Variants in WNT7B observed in about 807,000 individuals in gnomAD.
WNT7B encodes the protein Wnt family member 7B, also known as protein Wnt-7b.
Under a neutral mutation model 38.2 loss-of-function variants are expected in WNT7B, and 19 were observed. That is an observed-to-expected ratio of 0.50 (90% confidence interval 0.35 to 0.73). The LOEUF (loss-of-function observed/expected upper bound fraction) is 0.73, where lower values mean the gene tolerates loss of function less well. Among genes scored for constraint, WNT7B ranks in the 30% least tolerant of loss-of-function variants. The probability of loss-of-function intolerance (pLI) is 0.01; values close to 1 mark genes in which losing one functional copy is unlikely to be tolerated. For missense variants in WNT7B, 423 were observed against 507.9 expected, an observed-to-expected ratio of 0.83 and a Z score of 1.61; for synonymous variants, 243 against 209.3, an observed-to-expected ratio of 1.16 and a Z score of -1.39.
At chr22:45,939,671 A>ACACACACACACAC (rs56044141) in intron 2 of WNT7B, among the ~76,000 whole-genome samples, 9 of 151,480 alleles carry the variant, frequency 5.9e-5, no homozygotes, top group African/African-American at 1.2e-4. Flanking sequence ...ACACACACAC[A>ACACACACACACAC]AAAATAGCCA....
At chr22:45,930,684 G>A (rs191274330) in intron 3 of WNT7B, among the ~76,000 whole-genome samples, 1 of 152,174 alleles carries the variant, frequency 6.6e-6, no homozygotes, top group Non-Finnish European at 1.5e-5. Context: ...CTTCCTTGCT[G>A]AGCAAAAAGG....
chr22:45,952,162 C>T (rs1200776500), intron 1 of WNT7B, among the ~76,000 whole-genome samples: 2 of 152,368 alleles, frequency 1.3e-5, no homozygotes, highest in South Asian at 2.1e-4. Context: ...AAGCTGATGC[C>T]CATGGCCCTG....
At chr22:45,934,255 C>A (rs183480871) in intron 2 of WNT7B, among the ~76,000 whole-genome samples, 8 of 152,162 alleles carry the variant, frequency 5.3e-5, no homozygotes, top group Admixed American at 1.3e-4. Context: ...TCCTTCTGCC[C>A]CCAGCTTGGC....
intron 3 of WNT7B, among the ~76,000 whole-genome samples, chr22:45,930,890 C>A (rs1020877682): frequency 6.6e-6 from 1 of 152,304 alleles, no homozygotes; most frequent in Non-Finnish European, 1.5e-5. Flanking sequence ...TTCAGAGCCT[C>A]GGCTCTCACA....
At chr22:45,934,841 G>C (rs1056629735) in intron 2 of WNT7B, among the ~76,000 whole-genome samples, 30 of 152,260 alleles carry the variant, frequency 2.0e-4, no homozygotes, top group Admixed American at 1.8e-3. Flanking sequence ...GGAGACAAGG[G>C]GGAGGTGAGC....
At chr22:45,927,419 C>T (rs1216843662) in intron 3 of WNT7B, 1 of 1,541,846 alleles carries the variant, frequency 6.5e-7, no homozygotes, top group Non-Finnish European at 8.8e-7. Context: ...GGACACCAGC[C>T]TGGGCCACAT....
chr22:45,956,979 G>A (rs1157726803), intron 1 of WNT7B, among the ~76,000 whole-genome samples: 1 of 152,122 alleles, frequency 6.6e-6, no homozygotes, highest in African/African-American at 2.4e-5. Context: ...GGTGGCGTGT[G>A]CCTGTAGTCC....
chr22:45,927,610 A>C (rs530463805), intron 3 of WNT7B: 1 of 902,190 alleles, frequency 1.1e-6, no homozygotes, highest in South Asian at 1.4e-5. Context: ...AAGAGATGGA[A>C]CAGGGCCAGG....
At chr22:45,940,959 T>C (rs1008828045) in intron 2 of WNT7B, among the ~76,000 whole-genome samples, 2 of 152,310 alleles carry the variant, frequency 1.3e-5, no homozygotes, top group Non-Finnish European at 2.9e-5. Context: ...GGACGGCCCT[T>C]GGGGGCTGTA....
At chr22:45,967,158 G>T (rs1046909328) in intron 1 of WNT7B, among the ~76,000 whole-genome samples, 1 of 152,204 alleles carries the variant, frequency 6.6e-6, no homozygotes, top group Non-Finnish European at 1.5e-5. Flanking sequence ...CCAGCCCTGC[G>T]CCAGGGACGG....
chr22:45,931,392 A>G (rs28652942), intron 2 of WNT7B, 23 bp from the exon 3 acceptor site: 73,649 of 1,565,454 alleles, frequency 0.047, 1,775 homozygotes, highest in East Asian at 0.064. Context: ...ACAGGTGCAG[A>G]AGGTGAGACC....
intron 3 of WNT7B, among the ~76,000 whole-genome samples, chr22:45,923,711 C>G (rs1930997456): frequency 1.3e-5 from 2 of 152,166 alleles, no homozygotes; most frequent in South Asian, 4.1e-4. Flanking sequence ...TCACAGGCAG[C>G]AGGTGGGGTA....
chr22:45,941,823 A>C (rs946605564), intron 2 of WNT7B, among the ~76,000 whole-genome samples: 1 of 152,206 alleles, frequency 6.6e-6, no homozygotes, highest in Non-Finnish European at 1.5e-5. Flanking sequence ...TCAGCTTCCC[A>C]TTACCATGGG....
At chr22:45,929,923 C>CCCACTCATCCTTCCAT (rs879760578) in intron 3 of WNT7B, among the ~76,000 whole-genome samples, 1 of 102,564 alleles carries the variant, frequency 9.8e-6, no homozygotes, top group Non-Finnish European at 2.0e-5. Context: ...CATCTATCCT[C>CCCACTCATCCTTCCAT]CCATCCACCC....
At chr22:45,927,153 C>A (rs868810079) in intron 3 of WNT7B, 1 of 984,582 alleles carries the variant, frequency 1.0e-6, no homozygotes, top group African/African-American at 1.7e-5. Flanking sequence ...GCCCTGCTGA[C>A]CTGCCTGCCC....
chr22:45,948,448 C>T (rs1453563386), intron 2 of WNT7B, among the ~76,000 whole-genome samples: 1 of 152,252 alleles, frequency 6.6e-6, no homozygotes, highest in Non-Finnish European at 1.5e-5. Context: ...CCACCCCCAG[C>T]CCCACACCAG....
chr22:45,939,821 A>C (rs1931602591), intron 2 of WNT7B, among the ~76,000 whole-genome samples: 2 of 152,200 alleles, frequency 1.3e-5, no homozygotes, highest in Non-Finnish European at 2.9e-5. Flanking sequence ...GTGAGACCCT[A>C]TCTCAACCCC....
intron 1 of WNT7B, among the ~76,000 whole-genome samples, chr22:45,959,560 G>A (rs990588778): frequency 1.3e-5 from 2 of 152,148 alleles, no homozygotes; most frequent in African/African-American, 4.8e-5. Context: ...CTGGGAGCCA[G>A]GCACCTCCAC....
chr22:45,952,466 G>A (rs1931955865), intron 1 of WNT7B, among the ~76,000 whole-genome samples: 1 of 152,226 alleles, frequency 6.6e-6, no homozygotes, highest in South Asian at 2.1e-4. Context: ...GATGGGTGGG[G>A]CTGGGAGCGG....
Sources: allele counts gnomAD v4.1 joint callset (sites outside exome capture counted in the v4.1 genomes callset), GRCh38; gene constraint gnomAD v4.1.1; transcripts MANE v1.5; gene names NCBI Gene and HGNC (gene_info 2026-07-23, HGNC 2026-07-21).